Variants in BCAT1 observed in about 807,000 individuals in gnomAD.
BCAT1 encodes the protein branched chain amino acid transaminase 1.
BCAT1 carries 48 observed loss-of-function variants against 52.4 expected under a neutral mutation model. The observed-to-expected ratio is 0.92, with a 90% CI of 0.73 to 1.16. The LOEUF is 1.16. BCAT1 is among the 50% of genes most tolerant of loss of function. BCAT1 has a pLI of 0.00. For synonymous variants in BCAT1, 167 were observed against 161.3 expected, an observed-to-expected ratio of 1.04 and a Z score of -0.27; for missense variants, 451 against 457.1, an observed-to-expected ratio of 0.99 and a Z score of 0.12.
rs1238789751 is a variant in BCAT1, at chr12:24,812,304, A to T, written c.*5704T>A. Reference sequence around the variant, plus strand: ...CACCTATCAGGATAGGAGATAGTAAATAGTATCTCTAAGGGAAAAAAGTCA... The same window carrying T: ...CACCTATCAGGATAGGAGATAGTAATTAGTATCTCTAAGGGAAAAAAGTCA... On this transcript the variant is annotated 3_prime_UTR_variant, in exon 11 of 11. Coordinates refer to ENST00000261192, the MANE Select transcript of BCAT1 (RefSeq NM_005504.7). The T allele has an allele frequency of 8.8e-6, 1 of 113,946 alleles. No individual in the cohort carries two copies. The highest frequency in any genetic ancestry group is 1.9e-5 in the Non-Finnish European group (1 of 52,104). 7.1% of individuals were successfully genotyped at this position (113,946 alleles called of 1,614,324 possible).
Position 24,898,520 on chromosome 12 carries a change from C to CTTTTTTTTTTTTTTTTTT in BCAT1, c.78+3276_78+3293dup, listed in dbSNP as rs71448094. Among the ~76,000 whole-genome samples, 66 of 38,528 alleles carry CTTTTTTTTTTTTTTTTTT rather than the reference C, an allele frequency of 1.7e-3. 22 individuals are homozygous for CTTTTTTTTTTTTTTTTTT. Among genetic ancestry groups the CTTTTTTTTTTTTTTTTTT allele is most frequent in the South Asian group, 4.7e-3 (3 of 634 alleles). The allele number at this position is 38,528 out of a possible 152,430, so 25.3% of individuals were successfully genotyped here. ...TGTTTCAGCCAGGGTTCAGTCAACA[C>CTTTTTTTTTTTTTTTTTT]TTTTTTTTTTTTTTTTTTTTTTTTT... On this transcript the variant is annotated intron_variant, in intron 2 of 10. Coordinates refer to ENST00000261192, the MANE Select transcript of BCAT1 (RefSeq NM_005504.7).
At chr12:24,932,968 C>T (rs1244152636) in intron 1 of BCAT1, among the ~76,000 whole-genome samples, 1 of 152,064 alleles carries the variant, frequency 6.6e-6, no homozygotes, top group Non-Finnish European at 1.5e-5. Flanking sequence ...CCCACCACCA[C>T]ACTTGGCTAA....
At chr12:24,948,452 A>T (rs1943968136) in intron 1 of BCAT1, among the ~76,000 whole-genome samples, 2 of 152,168 alleles carry the variant, frequency 1.3e-5, no homozygotes, top group Non-Finnish European at 2.9e-5. Flanking sequence ...TAACAGTGAA[A>T]AGATCGTTCT....
chr12:24,946,244 G>C (rs761736993), intron 1 of BCAT1, among the ~76,000 whole-genome samples: 2 of 152,136 alleles, frequency 1.3e-5, no homozygotes, highest in Non-Finnish European at 2.9e-5. Flanking sequence ...TTTTCCAGCT[G>C]TTTACTTCCC....
intron 1 of BCAT1, among the ~76,000 whole-genome samples, chr12:24,933,638 T>A (rs138483143): frequency 7.9e-4 from 121 of 152,234 alleles, no homozygotes; most frequent in Admixed American, 1.6e-3. Flanking sequence ...CTCACTTAAG[T>A]GGCTATGTTT....
rs545474199 is a variant in BCAT1 at position 24,827,911 on chromosome 12, T to C, written c.1119+1912A>G. On this transcript the variant is annotated intron_variant, in intron 10 of 10. Transcript: ENST00000261192. ...TTTTAAACTCTCTTTTAAACTTTTA[T>C]TTTTATTTTATTTCCCTTTTTTTAG... 4.2e-5 allele frequency among the ~76,000 whole-genome samples: 5 copies of C among 120,360 alleles called. No individual in the cohort carries two copies. In the East Asian group the frequency reaches 9.7e-4, roughly 23 times the overall value. The allele number at this position is 120,360 out of a possible 152,430, so 79.0% of individuals were successfully genotyped here.
chr12:24,946,314 G>T (rs1436961891), intron 1 of BCAT1, among the ~76,000 whole-genome samples: 4 of 152,078 alleles, frequency 2.6e-5, no homozygotes, highest in African/African-American at 4.8e-5. Flanking sequence ...AAAACAATTG[G>T]AATGTCAGCC....
chr12:24,849,645 A>T, intron 6 of BCAT1, 141 bp downstream of exon 6: 1 of 1,011,328 alleles, frequency 9.9e-7, no homozygotes, highest in Non-Finnish European at 1.4e-6. Flanking sequence ...TTGCTGAAAG[A>T]TTAAACTGAA....
intron 10 of BCAT1, among the ~76,000 whole-genome samples, chr12:24,828,762 T>C (rs1053604667): frequency 6.6e-6 from 1 of 152,182 alleles, no homozygotes; most frequent in Non-Finnish European, 1.5e-5. Context: ...TCCCAGCACT[T>C]TGGGAAGCCA....
At chr12:24,919,810 G>A (rs986844673) in intron 1 of BCAT1, among the ~76,000 whole-genome samples, 22 of 152,150 alleles carry the variant, frequency 1.4e-4, no homozygotes, top group African/African-American at 5.1e-4. Context: ...ACTGAATCAT[G>A]GGGGCGGTTT....
At chr12:24,938,816 G>A (rs1223792815) in intron 1 of BCAT1, among the ~76,000 whole-genome samples, 3 of 152,082 alleles carry the variant, frequency 2.0e-5, no homozygotes, top group Non-Finnish European at 4.4e-5. Flanking sequence ...ACAGAACCTT[G>A]TGCAGACTTC....
At chr12:24,907,486 A>G (rs1275492952) in intron 1 of BCAT1, among the ~76,000 whole-genome samples, 1 of 152,232 alleles carries the variant, frequency 6.6e-6, no homozygotes, top group Non-Finnish European at 1.5e-5. Flanking sequence ...AAGATCAACA[A>G]AAGTGAAAAT....
At chr12:24,921,064 GC>G (rs894599104) in intron 1 of BCAT1, among the ~76,000 whole-genome samples, 3 of 152,004 alleles carry the variant, frequency 2.0e-5, no homozygotes, top group Non-Finnish European at 4.4e-5. Context: ...CACGTGTTCA[GC>G]ACAGGAGGCT....
intron 7 of BCAT1, among the ~76,000 whole-genome samples, chr12:24,840,233 G>A (rs1261582458): frequency 6.6e-6 from 1 of 152,172 alleles, no homozygotes; most frequent in African/African-American, 2.4e-5. Flanking sequence ...GATTCAGAGT[G>A]TACTTAAATT....
intron 5 of BCAT1, among the ~76,000 whole-genome samples, chr12:24,873,691 G>A (rs1205947175): frequency 6.6e-6 from 1 of 152,080 alleles, no homozygotes; most frequent in Non-Finnish European, 1.5e-5. Flanking sequence ...TACCAATTCA[G>A]CATCCCTAAT....
At chr12:24,914,185 A>T (rs1462717492) in intron 1 of BCAT1, among the ~76,000 whole-genome samples, 1 of 151,490 alleles carries the variant, frequency 6.6e-6, no homozygotes, top group Non-Finnish European at 1.5e-5. Context: ...AGGCTCAGGC[A>T]ATCCTCCCAC....
intron 1 of BCAT1, among the ~76,000 whole-genome samples, chr12:24,929,150 A>G (rs1943641915): frequency 1.3e-5 from 2 of 152,338 alleles, no homozygotes; most frequent in African/African-American, 4.8e-5. Context: ...TTACACAGAA[A>G]GATGTTGAAA....
rs1171192681 is a variant in BCAT1, at chr12:24,927,621, G to C, written c.6+21306C>G. 2.0e-5 allele frequency among the ~76,000 whole-genome samples: 3 copies of C among 152,342 alleles called. No homozygotes were observed. In the East Asian group the frequency reaches 5.8e-4, roughly 29 times the overall value. ...TTTGGAAGGTAGAAAGCTGACAGTA[G>C]AGAAGGAACTAACTCTGTAGATTAG... On this transcript the variant is annotated intron_variant, in intron 1 of 10. Transcript: ENST00000261192.
At chr12:24,825,133 GTGTA>G (rs1389089682) in intron 10 of BCAT1, among the ~76,000 whole-genome samples, 1,400 of 63,102 alleles carry the variant, frequency 0.022, 20 homozygotes, top group African/African-American at 0.084. Context: ...GTGTGTGTGT[GTGTA>G]TATATATATA....
Sources: allele counts gnomAD v4.1 joint callset (sites outside exome capture counted in the v4.1 genomes callset), GRCh38; gene constraint gnomAD v4.1.1; transcripts MANE v1.5; gene names NCBI Gene and HGNC (gene_info 2026-07-23, HGNC 2026-07-21).